The following SLC35D2 variants were observed in gnomAD, a reference collection of about 807,000 sequenced individuals.
SLC35D2 encodes the protein nucleotide sugar transporter SLC35D2.
SLC35D2 carries 43 observed loss-of-function variants against 41.8 expected under a neutral mutation model. That is an observed-to-expected ratio of 1.03 (90% confidence interval 0.81 to 1.33). The LOEUF (loss-of-function observed/expected upper bound fraction) is 1.33, where lower values mean the gene tolerates loss of function less well. Ranked by LOEUF, SLC35D2 falls within the 40% of genes most tolerant of loss-of-function variation. SLC35D2 has a pLI of 0.00. For missense variants in SLC35D2, 380 were observed against 408.4 expected, an observed-to-expected ratio of 0.93 and a Z score of 0.60; for synonymous variants, 150 against 163.9, an observed-to-expected ratio of 0.92 and a Z score of 0.65.
At chr9:96,367,782 CAAA>C (rs35612638) in intron 2 of SLC35D2, among the ~76,000 whole-genome samples, 1 of 128,852 alleles carries the variant, frequency 7.8e-6, no homozygotes, top group Admixed American at 7.9e-5. Flanking sequence ...AACTCCGTCT[CAAA>C]AAAAAAAAAA....
chr9:96,368,451 TTC>T, intron 1 of SLC35D2, 146 bp from the exon 2 acceptor site: 1 of 758,622 alleles, frequency 1.3e-6, no homozygotes, highest in South Asian at 2.1e-5. Context: ...TTTTTTTTTT[TTC>T]TTTTTAAGAC....
At chr9:96,370,438 C>A (rs144094712) in intron 1 of SLC35D2, among the ~76,000 whole-genome samples, 214 of 152,290 alleles carry the variant, frequency 1.4e-3, no homozygotes, top group Admixed American at 3.2e-3. Flanking sequence ...GAGCAGATCA[C>A]CTGAGGTCAG....
At chr9:96,376,493 C>T (rs1435632643) in intron 1 of SLC35D2, among the ~76,000 whole-genome samples, 1 of 151,922 alleles carries the variant, frequency 6.6e-6, no homozygotes, top group Non-Finnish European at 1.5e-5. Context: ...CCTGTAATCC[C>T]AGCTACTTGG....
chr9:96,354,766 CAAAAAA>C (rs59013884), intron 4 of SLC35D2, among the ~76,000 whole-genome samples: 3 of 46,742 alleles, frequency 6.4e-5, no homozygotes, highest in African/African-American at 5.9e-5. Flanking sequence ...GACTCCATCT[CAAAAAA>C]AAAAAAAAAA....
In SLC35D2 at chr9:96,383,513, A is replaced by G; in HGVS notation, c.122T>C (p.Ile41Thr). The change falls in exon 1 of 12, where the codon ATC becomes ACC. Residue 41 changes from isoleucine (I) to threonine (T), a missense_variant. Ile to Thr is a moderately conservative substitution (Grantham distance 89, BLOSUM62 -1). Transcript: ENST00000253270. Reference sequence around the variant, plus strand: ...CAGCAGCGCCTTGTTGACAAGCACGATGAGGAAGGAGCAGGTCCCGTAGAA... The same window carrying G: ...CAGCAGCGCCTTGTTGACAAGCACGGTGAGGAAGGAGCAGGTCCCGTAGAA... ...ALFYGTCSFL[I>T]VLVNKALLTT... 1 of 1,536,368 alleles carries G rather than the reference A, an allele frequency of 6.5e-7. No homozygotes were observed. The highest frequency in any genetic ancestry group is 8.8e-7 in the Non-Finnish European group (1 of 1,141,176).
Position 96,360,197 on chromosome 9 carries a change from C to A in SLC35D2, c.304G>T (p.Val102Phe), listed in dbSNP as rs78359888. 2.4e-3 allele frequency: 3,789 copies of A among 1,611,698 alleles called. 65 individuals are homozygous for A. In the African/African-American group the frequency reaches 0.042, roughly 18 times the overall value. The part of the protein sequence containing the change: ...VKLFPLPLLY[V>F]GNHISGLSST... ...GATAATCCACTTATGTGGTTTCCAA[C>A]GTAGAGGAGAGGCAGAGGAAACAGC... Residue 102 changes from valine to phenylalanine, a missense_variant, in exon 4 of 12, where the codon GTT becomes TTT. Coordinates refer to ENST00000253270, the MANE Select transcript of SLC35D2 (RefSeq NM_007001.3).
intron 1 of SLC35D2, among the ~76,000 whole-genome samples, chr9:96,371,263 G>A (rs1272951623): frequency 1.3e-5 from 2 of 151,860 alleles, no homozygotes; most frequent in East Asian, 1.9e-4. Flanking sequence ...TCAGGAGTTC[G>A]AAACCAGCCT....
chr9:96,336,511 C>T (rs1355040433), intron 9 of SLC35D2, among the ~76,000 whole-genome samples: 1 of 152,176 alleles, frequency 6.6e-6, no homozygotes, highest in Non-Finnish European at 1.5e-5. Context: ...CTTTCAAAAA[C>T]AAGAGTTGTA....
At position 96,322,901 on chromosome 9, in the gene SLC35D2, T is replaced by C. The variant is rs1233839408; in HGVS notation, c.832-821A>G. The stretch of plus-strand genomic sequence containing the variant: ...GCCTGGCTCATTTTTGTACTTTTAG[T>C]AGAGATGGTGTTTCGCCATACTGGC... On this transcript the variant is annotated intron_variant, in intron 10 of 11. Coordinates refer to ENST00000253270, the MANE Select transcript of SLC35D2 (RefSeq NM_007001.3). Among the ~76,000 whole-genome samples the C allele has an allele frequency of 2.0e-5, 3 of 151,994 alleles. No individual in the cohort carries two copies. The East Asian group carries it at 5.8e-4, about 29-fold the overall frequency.
intron 4 of SLC35D2, among the ~76,000 whole-genome samples, chr9:96,358,433 A>G (rs898916867): frequency 6.6e-6 from 1 of 152,152 alleles, no homozygotes; most frequent in African/African-American, 2.4e-5. Flanking sequence ...CTGCTCTGTG[A>G]AAGACAGTGT....
chr9:96,356,313 A>AG (rs1030825461), intron 4 of SLC35D2, among the ~76,000 whole-genome samples: 4 of 151,946 alleles, frequency 2.6e-5, no homozygotes, highest in Non-Finnish European at 5.9e-5. Context: ...AGTCCTTTAC[A>AG]GCAACACTAA....
At chr9:96,343,117 C>T (rs998329457) in intron 8 of SLC35D2, among the ~76,000 whole-genome samples, 4 of 152,204 alleles carry the variant, frequency 2.6e-5, no homozygotes, top group East Asian at 1.9e-4. Flanking sequence ...CTGTGTGGCC[C>T]GCGACTTCCT....
Position 96,364,560 on chromosome 9 carries a change from AG to A in SLC35D2, c.193-11del. 6.5e-7 allele frequency: 1 copy of A among 1,548,638 alleles called. No individual in the cohort carries two copies. The highest frequency in any genetic ancestry group is 8.9e-7 in the Non-Finnish European group (1 of 1,123,470). On this transcript the variant is annotated splice_polypyrimidine_tract_variant and intron_variant, in intron 2 of 11. Transcript: ENST00000253270. ...TTATGGTGGCTGCCATCTGAAGAAAAGGGGAGAGAGAAACTTCAGCAAAATA... is the reference window on the plus strand; with the variant it reads ...TTATGGTGGCTGCCATCTGAAGAAAAGGGAGAGAGAAACTTCAGCAAAATA...
At chr9:96,357,633 A>G (rs1385945816) in intron 4 of SLC35D2, 1 of 152,246 alleles carries the variant, frequency 6.6e-6, no homozygotes, top group Non-Finnish European at 1.5e-5. Context: ...TTCTTAGAAG[A>G]AAGTATAGAA....
chr9:96,332,105 C>A (rs187115750), intron 9 of SLC35D2, among the ~76,000 whole-genome samples: 56 of 152,206 alleles, frequency 3.7e-4, no homozygotes, highest in Non-Finnish European at 3.8e-4. Flanking sequence ...CATTTCAAAG[C>A]GTAATAATTT....
intron 3 of SLC35D2, among the ~76,000 whole-genome samples, chr9:96,360,509 G>A (rs868801710): frequency 1.3e-5 from 2 of 150,414 alleles, no homozygotes; most frequent in Non-Finnish European, 3.0e-5. Context: ...CACATCTATA[G>A]TCCCAGCTAC....
At chr9:96,323,852 G>C (rs920444841) in intron 10 of SLC35D2, among the ~76,000 whole-genome samples, 1 of 152,024 alleles carries the variant, frequency 6.6e-6, no homozygotes, top group Non-Finnish European at 1.5e-5. Context: ...CTCGAACCAG[G>C]GAGGTGGAGG....
chr9:96,350,444 T>C (rs914797356), intron 6 of SLC35D2, among the ~76,000 whole-genome samples: 9 of 134,902 alleles, frequency 6.7e-5, no homozygotes, highest in Middle Eastern at 4.3e-3. Flanking sequence ...TATTCCCACC[T>C]AGGCTTCCTA....
intron 2 of SLC35D2, 129 bp downstream of exon 2, chr9:96,368,143 T>G: frequency 1.7e-6 from 1 of 587,184 alleles, no homozygotes. Flanking sequence ...TCACCAGGAG[T>G]ACCATGACCC....
Sources: gnomAD v4.1 joint callset for allele counts (sites outside exome capture counted in the v4.1 genomes callset) on GRCh38, gnomAD v4.1.1 for gene constraint, MANE v1.5 for transcripts, NCBI Gene and HGNC (gene_info 2026-07-23, HGNC 2026-07-21) for gene names.